RPAIN: variants seen among roughly 807,000 people sequenced by gnomAD.
RPAIN encodes the protein RPA-interacting protein.
A neutral mutation model predicts 30.5 loss-of-function variants in RPAIN; 29 were observed. The observed-to-expected ratio is 0.95, with a 90% confidence interval of 0.71 to 1.30. The LOEUF (loss-of-function observed/expected upper bound fraction) is 1.30, where lower values mean the gene tolerates loss of function less well. Ranked by LOEUF, RPAIN falls within the 50% of genes most tolerant of loss-of-function variation. The probability of loss-of-function intolerance (pLI) is 0.00; values close to 1 mark genes in which losing one functional copy is unlikely to be tolerated. For missense variants in RPAIN, 247 were observed against 264.7 expected (o/e 0.93, Z 0.46); for synonymous variants, 101 against 93.5 (o/e 1.08, Z -0.46).
chr17:5,428,885 C>T, intron 6 of RPAIN: 1 of 985,768 alleles, frequency 1.0e-6, no homozygotes, highest in East Asian at 1.1e-4. Flanking sequence ...CACTGTACTT[C>T]AGGAAGTTCA....
chr17:5,428,598 G>A (rs1411448381), intron 6 of RPAIN: 2 of 1,000,756 alleles, frequency 2.0e-6, no homozygotes, highest in South Asian at 2.1e-5. Flanking sequence ...CATTAGGTTT[G>A]TCTGTCAGTG....
chr17:5,428,270 C>T, intron 6 of RPAIN, 59 bp downstream of exon 6: 1 of 1,612,736 alleles, frequency 6.2e-7, no homozygotes, highest in South Asian at 1.1e-5. Context: ...GTTTTATTCC[C>T]ACCTTGATAG....
intron 6 of RPAIN, chr17:5,431,626 T>A (rs759238759): frequency 8.8e-6 from 4 of 456,602 alleles, no homozygotes; most frequent in South Asian, 6.2e-5. Flanking sequence ...CAAGGACCAT[T>A]GTGTTAGAAT....
chr17:5,429,730 T>A (rs1226791549), intron 6 of RPAIN: 2 of 985,388 alleles, frequency 2.0e-6, no homozygotes, highest in Non-Finnish European at 1.2e-6. Context: ...TATGCAGTGC[T>A]TTCAGGCCTC....
chr17:5,432,498 A>G (rs751001036), intron 6 of RPAIN, 44 bp from the exon 7 acceptor site: 2 of 1,566,052 alleles, frequency 1.3e-6, no homozygotes, highest in Admixed American at 1.7e-5. Flanking sequence ...ATCTTTCATG[A>G]CTAGAATACA....
intron 3 of RPAIN, among the ~76,000 whole-genome samples, chr17:5,423,577 A>G (rs1339838862): frequency 6.6e-6 from 1 of 152,174 alleles, no homozygotes; most frequent in Non-Finnish European, 1.5e-5. Context: ...GTGATAGTGC[A>G]TGGTCTGATC....
intron 6 of RPAIN, chr17:5,429,202 G>A: frequency 1.0e-6 from 1 of 984,816 alleles, no homozygotes; most frequent in Non-Finnish European, 1.2e-6. Flanking sequence ...TTCAGAGGAG[G>A]GTGATCTCCT....
At position 5,432,821 on chromosome 17, in the gene RPAIN, A is replaced by G. The variant is rs1006338767; in HGVS notation, c.*250A>G. ...TTTATGTCTATCATGTTATACAAAAATCTAGAAATAATAGATTTGTACAGA... is the reference window on the plus strand; with the variant it reads ...TTTATGTCTATCATGTTATACAAAAGTCTAGAAATAATAGATTTGTACAGA... On this transcript the variant is annotated 3_prime_UTR_variant, in exon 7 of 7. Coordinates refer to ENST00000381209, the MANE Select transcript of RPAIN (RefSeq NM_001033002.4). 18 of 887,544 alleles carry G rather than the reference A, an allele frequency of 2.0e-5. No individual in the cohort carries two copies. The highest frequency in any genetic ancestry group is 5.1e-5 in the African/African-American group (3 of 58,904). 55.0% of individuals were successfully genotyped at this position (887,544 alleles called of 1,614,324 possible). A position where few individuals can be genotyped will look rare whatever the true frequency, so the allele number is the denominator to read the frequency against.
In RPAIN at chr17:5,422,817, C is replaced by T; in HGVS notation, c.301C>T (p.Leu101=). ...TGTGCTGGAGGAAATTCAACAGGAGCTGATCAACCAAGGTAACCCCTAGTG... is the reference window on the plus strand; with the variant it reads ...TGTGCTGGAGGAAATTCAACAGGAGTTGATCAACCAAGGTAACCCCTAGTG... The part of the protein sequence containing the change: ...MAVLEEIQQE[L]INQEQSIISE... The change falls in exon 3 of 7, where the codon CTG becomes TTG. Residue 101 remains leucine (L), a synonymous_variant. Coordinates refer to ENST00000381209, the MANE Select transcript of RPAIN (RefSeq NM_001033002.4). 8 of 1,612,254 alleles carry T rather than the reference C, an allele frequency of 5.0e-6. No individual in the cohort carries two copies. Among genetic ancestry groups the T allele is most frequent in the Non-Finnish European group, 6.8e-6 (8 of 1,178,626 alleles).
chr17:5,431,734 G>A (rs1386226909), intron 6 of RPAIN: 8 of 436,662 alleles, frequency 1.8e-5, no homozygotes, highest in East Asian at 7.1e-5. Context: ...ATCACAAGAC[G>A]AGGAATGTTT....
Position 5,420,210 on chromosome 17 carries a change from G to A in RPAIN, c.-1G>A, listed in dbSNP as rs1017495711. Reference sequence around the variant, plus strand: ...GTGGCTTTGTCTCCCGCGAAGAGGAGATGGCGGAGTCGTTGAGGTCTCCGC... The same window carrying A: ...GTGGCTTTGTCTCCCGCGAAGAGGAAATGGCGGAGTCGTTGAGGTCTCCGC... On this transcript the variant is annotated 5_prime_UTR_variant, in exon 1 of 7. Transcript: ENST00000381209. 2 of 1,613,612 alleles carry A rather than the reference G, an allele frequency of 1.2e-6. No homozygotes were observed. Among genetic ancestry groups the A allele is most frequent in the African/African-American group, 2.7e-5 (2 of 74,932 alleles).
chr17:5,431,195 T>A (rs937478010), intron 6 of RPAIN: 4 of 327,448 alleles, frequency 1.2e-5, no homozygotes, highest in Non-Finnish European at 2.4e-5. Flanking sequence ...ACAGCAAATA[T>A]GAGAAACACA....
chr17:5,431,501 G>GGGGAGGGGGAAAAAAAAA, intron 6 of RPAIN: 1 of 331,546 alleles, frequency 3.0e-6, no homozygotes, highest in Non-Finnish European at 5.5e-6. Context: ...AAAAAAAAAA[G>GGGGAGGGGGAAAAAAAAA]AGGAGGGGGA....
intron 5 of RPAIN, chr17:5,426,639 ATTTTT>A (rs35657465): frequency 1.0e-4 from 15 of 149,048 alleles, no homozygotes; most frequent in South Asian, 4.7e-4. Flanking sequence ...AGCTTCAGTA[ATTTTT>A]TTTTTTTTTT....
Position 5,432,664 on chromosome 17 carries a change from T to C in RPAIN, c.*93T>C. ...ATACAAGCCTTTTATTTATAACTTA[T>C]TTTGTATTGAAACTTTTAAACAATA... On this transcript the variant is annotated 3_prime_UTR_variant, in exon 7 of 7. Transcript: ENST00000381209. The C allele has an allele frequency of 3.2e-6, 4 of 1,246,058 alleles. No homozygotes were observed. Among genetic ancestry groups the C allele is most frequent in the Non-Finnish European group, 4.6e-6 (4 of 867,762 alleles). 77.2% of individuals were successfully genotyped at this position (1,246,058 alleles called of 1,614,324 possible).
rs1339243736 is a variant in RPAIN, at chr17:5,429,549, T to TTTCCTGCTCC, written c.630+1339_630+1348dup. The TTTCCTGCTCC allele has an allele frequency of 9.9e-5, 98 of 985,480 alleles. No homozygotes were observed. In the African/African-American group the frequency reaches 1.4e-3, roughly 15 times the overall value. 61.0% of individuals were successfully genotyped at this position (985,480 alleles called of 1,614,324 possible). A position where few individuals can be genotyped will look rare whatever the true frequency, so the allele number is the denominator to read the frequency against. Reference sequence around the variant, plus strand: ...CTTTGTGGTTCCAGTGCCCCTGCTGTTTCCTGCTCCAGGCTCAGGCCTTGG... The same window carrying TTTCCTGCTCC: ...CTTTGTGGTTCCAGTGCCCCTGCTGTTTCCTGCTCCTTCCTGCTCCAGGCTCAGGCCTTGG... On this transcript the variant is annotated intron_variant, in intron 6 of 6. Transcript: ENST00000381209.
chr17:5,423,002 G>T (rs1375493181), intron 3 of RPAIN, 173 bp downstream of exon 3: 4 of 571,930 alleles, frequency 7.0e-6, no homozygotes, highest in South Asian at 4.8e-5. Flanking sequence ...CAATAATAAG[G>T]GTCTCCAGGG....
At position 5,432,692 on chromosome 17, in the gene RPAIN, G is replaced by T; in HGVS notation, c.*121G>T. 1.9e-6 allele frequency: 2 copies of T among 1,068,612 alleles called. No individual in the cohort carries two copies. The allele number at this position is 1,068,612 out of a possible 1,614,324, so 66.2% of individuals were successfully genotyped here. On this transcript the variant is annotated 3_prime_UTR_variant, in exon 7 of 7. Coordinates refer to ENST00000381209, the MANE Select transcript of RPAIN (RefSeq NM_001033002.4). ...TGTATTGAAACTTTTAAACAATACT[G>T]AAGAAAAAAAAACTTTTCCGACATC...
chr17:5,427,931 G>T (rs1447854183), intron 5 of RPAIN, 140 bp from the exon 6 acceptor site: 1 of 773,624 alleles, frequency 1.3e-6, no homozygotes, highest in Non-Finnish European at 2.2e-6. Context: ...GTACAGTCAT[G>T]GGCCCGAGTG....
Sources: allele counts gnomAD v4.1 joint callset (sites outside exome capture counted in the v4.1 genomes callset), GRCh38; gene constraint gnomAD v4.1.1; transcripts MANE v1.5; gene names NCBI Gene and HGNC (gene_info 2026-07-23, HGNC 2026-07-21).